MYCBP2: variants seen among roughly 807,000 people sequenced by gnomAD.
MYCBP2 encodes E3 ubiquitin-protein ligase MYCBP2.
A neutral mutation model predicts 525.3 loss-of-function variants in MYCBP2; 120 were observed. That is an observed-to-expected ratio of 0.23 (90% CI 0.20 to 0.27). The LOEUF (loss-of-function observed/expected upper bound fraction) is 0.27, where lower values mean the gene tolerates loss of function less well. Among genes scored for constraint, MYCBP2 ranks in the 10% least tolerant of loss-of-function variants. The probability of loss-of-function intolerance (pLI) is 1.00; values close to 1 mark genes in which losing one functional copy is unlikely to be tolerated. For missense variants in MYCBP2, 4,149 were observed against 5,657.1 expected (o/e 0.73, Z 8.55); for synonymous variants, 1,894 against 1,955.8 (o/e 0.97, Z 0.83).
intron 41 of MYCBP2, 125 bp downstream of exon 41, chr13:77,166,204 A>T: frequency 1.4e-6 from 1 of 702,642 alleles, no homozygotes; most frequent in Non-Finnish European, 2.3e-6. Flanking sequence ...TGCAATCCAG[A>T]TACATAGTAG....
chr13:77,273,406 A>G (rs1217316988), intron 5 of MYCBP2, 66 bp downstream of exon 5: 7 of 1,410,276 alleles, frequency 5.0e-6, no homozygotes, highest in Non-Finnish European at 6.7e-6. Flanking sequence ...TCCTATTGAC[A>G]GAAATTGAGA....
intron 21 of MYCBP2, among the ~76,000 whole-genome samples, chr13:77,215,073 G>A (rs1382741114): frequency 6.6e-6 from 1 of 152,140 alleles, no homozygotes; most frequent in East Asian, 1.9e-4. Flanking sequence ...AAAGGTGTGG[G>A]GAGGCAGGAA....
chr13:77,267,812 T>C, intron 8 of MYCBP2, 29 bp downstream of exon 8: 1 of 1,523,456 alleles, frequency 6.6e-7, no homozygotes, highest in Non-Finnish European at 9.1e-7. Flanking sequence ...AAATTGCTTG[T>C]GGAGAAAAAA....
intron 26 of MYCBP2, among the ~76,000 whole-genome samples, chr13:77,199,325 T>C (rs1040594245): frequency 6.6e-6 from 1 of 152,240 alleles, no homozygotes; most frequent in Non-Finnish European, 1.5e-5. Flanking sequence ...AATACTGCAC[T>C]TTTCTGACGG....
intron 1 of MYCBP2, among the ~76,000 whole-genome samples, chr13:77,316,952 G>GT (rs35370785): frequency 0.48 from 71,926 of 148,614 alleles, 20,350 homozygotes; most frequent in Non-Finnish European, 0.65. Context: ...TTTTTTTGTT[G>GT]TTTTTTTTTT....
chr13:77,288,112 A>G (rs927715856), intron 3 of MYCBP2, 49 bp downstream of exon 3: 5 of 1,574,080 alleles, frequency 3.2e-6, no homozygotes, highest in Non-Finnish European at 4.3e-6. Flanking sequence ...TTATAGCCAG[A>G]ACACCTGCAG....
intron 1 of MYCBP2, among the ~76,000 whole-genome samples, chr13:77,309,759 T>A (rs1354383336): frequency 6.6e-6 from 1 of 152,204 alleles, no homozygotes; most frequent in East Asian, 1.9e-4. Flanking sequence ...TCATCCTCTA[T>A]AACACTACTA....
chr13:77,061,518 G>T, intron 75 of MYCBP2, 144 bp downstream of exon 75: 1 of 993,580 alleles, frequency 1.0e-6, no homozygotes, highest in Non-Finnish European at 1.4e-6. Context: ...GCTATTTATA[G>T]ATGGTAAGCG....
intron 58 of MYCBP2, 150 bp from the exon 59 acceptor site, chr13:77,093,482 T>G: frequency 1.6e-6 from 1 of 636,118 alleles, no homozygotes; most frequent in Non-Finnish European, 2.5e-6. Flanking sequence ...TAGGTGAAAA[T>G]AAAAGTCTGA....
At chr13:77,251,651 A>C (rs2071225261) in intron 14 of MYCBP2, among the ~76,000 whole-genome samples, 2 of 152,214 alleles carry the variant, frequency 1.3e-5, no homozygotes, top group Admixed American at 6.5e-5. Flanking sequence ...CACTACCAAC[A>C]CTTTCATTCA....
chr13:77,101,709 A>G (rs766337514), intron 55 of MYCBP2, among the ~76,000 whole-genome samples: 1 of 152,048 alleles, frequency 6.6e-6, no homozygotes, highest in African/African-American at 2.4e-5. Context: ...TTCTCAAATG[A>G]TAACTAAATC....
intron 26 of MYCBP2, among the ~76,000 whole-genome samples, chr13:77,199,330 T>A (rs2154266650): frequency 6.6e-6 from 1 of 152,386 alleles, no homozygotes; most frequent in East Asian, 1.9e-4. Context: ...TGCACTTTTC[T>A]GACGGGCTTA....
rs757442587 is a variant in MYCBP2, at chr13:77,188,968, C to A, written c.4234G>T (p.Ala1412Ser). Residue 1412 changes from alanine (A) to serine (S), a missense_variant, in exon 30 of 83, where the codon GCA becomes TCA. Around this residue, in one of 21 missense-constraint regions of MYCBP2, gnomAD observed 292 missense variants for 330.5 expected, o/e 0.88. Transcript: ENST00000544440. ...EPVHILKRSF[A>S]RTVSVECFES... ...TGGCTTACCACTGAGACAGTTCTTGCAAAAGACCTCTTTAAAATGTGTACA... is the reference window on the plus strand; with the variant it reads ...TGGCTTACCACTGAGACAGTTCTTGAAAAAGACCTCTTTAAAATGTGTACA... 1 of 1,598,136 alleles carries A rather than the reference C, an allele frequency of 6.3e-7. No individual in the cohort carries two copies. The highest frequency in any genetic ancestry group is 2.3e-5 in the East Asian group (1 of 43,592).
Position 77,205,547 on chromosome 13 carries a change from C to T in MYCBP2, c.3641G>A (p.Ser1214Asn), listed in dbSNP as rs776146403. The T allele has an allele frequency of 6.2e-7, 1 of 1,613,544 alleles. No homozygotes were observed. The highest frequency in any genetic ancestry group is 8.5e-7 in the Non-Finnish European group (1 of 1,179,780). ...AMQDLKMGVA[S>N]TEEETQAVMK... Reference sequence around the variant, plus strand: ...TACTGCTTGAGTCTCTTCCTCTGTACTTGCAACACCCATTTTTAAGTCCTG... The same window carrying T: ...TACTGCTTGAGTCTCTTCCTCTGTATTTGCAACACCCATTTTTAAGTCCTG... Residue 1214 changes from serine (S) to asparagine (N), a missense_variant, in exon 25 of 83, where the codon AGT becomes AAT. Physicochemically the swap from Ser to Asn is conservative, Grantham distance 46. Around this residue, in one of 21 missense-constraint regions of MYCBP2, gnomAD observed 620 missense variants for 795.5 expected, o/e 0.78. Coordinates refer to ENST00000544440, the MANE Select transcript of MYCBP2 (RefSeq NM_015057.5).
intron 1 of MYCBP2, among the ~76,000 whole-genome samples, chr13:77,324,011 G>A (rs2082002962): frequency 6.6e-6 from 1 of 151,758 alleles, no homozygotes; most frequent in African/African-American, 2.4e-5. Context: ...TCTCCATTTA[G>A]CCTCCCATAT....
chr13:77,287,812 C>CT (rs1171451364), intron 3 of MYCBP2, among the ~76,000 whole-genome samples: 1 of 152,184 alleles, frequency 6.6e-6, no homozygotes, highest in African/African-American at 2.4e-5. Flanking sequence ...TCTCGGCTCA[C>CT]TGGCTCAGAG....
chr13:77,318,858 C>T (rs759516850), intron 1 of MYCBP2, among the ~76,000 whole-genome samples: 1 of 152,322 alleles, frequency 6.6e-6, no homozygotes, highest in Non-Finnish European at 1.5e-5. Context: ...GAACATGCCA[C>T]CCTCCTTTCC....
At chr13:77,255,685 T>C (rs920823831) in intron 14 of MYCBP2, among the ~76,000 whole-genome samples, 7 of 151,990 alleles carry the variant, frequency 4.6e-5, no homozygotes, top group Non-Finnish European at 8.8e-5. Flanking sequence ...TTTGCCAATA[T>C]ATTCTAGTAA....
At chr13:77,061,638 T>C (rs892728332) in intron 75 of MYCBP2, 24 bp downstream of exon 75, 1 of 1,604,824 alleles carries the variant, frequency 6.2e-7, no homozygotes, top group Non-Finnish European at 8.5e-7. Context: ...ACATATTTTA[T>C]GCTCCAGAGA....
Sources: gnomAD v4.1 joint callset for allele counts (sites outside exome capture counted in the v4.1 genomes callset) on GRCh38, gnomAD v4.1.1 for gene constraint, gnomAD v4.1.1 regional missense constraint, MANE v1.5 for transcripts, NCBI Gene and HGNC (gene_info 2026-07-23, HGNC 2026-07-21) for gene names.